The following MED12L variants were observed in gnomAD, a reference collection of about 807,000 sequenced individuals.
MED12L encodes mediator complex subunit 12L.
A neutral mutation model predicts 281.3 loss-of-function variants in MED12L; 60 were observed. The ratio of observed to expected loss-of-function variants is 0.21; its 90% CI spans 0.17 to 0.26. MED12L has a LOEUF of 0.26. MED12L is among the 10% of genes least tolerant of loss of function. The pLI is 1.00. For synonymous variants in MED12L, 974 were observed against 987.2 expected, an observed-to-expected ratio of 0.99 and a Z score of 0.25; for missense variants, 2,146 against 2,680.9, an observed-to-expected ratio of 0.80 and a Z score of 4.41.
chr3:151,113,950 T>C (rs1052786672), intron 2 of MED12L, among the ~76,000 whole-genome samples: 1 of 152,202 alleles, frequency 6.6e-6, no homozygotes, highest in African/African-American at 2.4e-5. Context: ...AATGTATTTT[T>C]AGTAAAAACA....
At chr3:151,117,534 C>A (rs1163826503) in intron 3 of MED12L, among the ~76,000 whole-genome samples, 2 of 152,082 alleles carry the variant, frequency 1.3e-5, no homozygotes, top group African/African-American at 2.4e-5. Flanking sequence ...GTTTTTAGGT[C>A]TCCCTTCTCC....
intron 16 of MED12L, among the ~76,000 whole-genome samples, chr3:151,208,179 A>G (rs1726624830): frequency 6.6e-6 from 1 of 152,228 alleles, no homozygotes; most frequent in East Asian, 1.9e-4. Context: ...ACACTTGGCC[A>G]TGCCAATTTT....
chr3:151,429,144 C>T (rs762220455), intron 43 of MED12L, among the ~76,000 whole-genome samples: 1 of 152,214 alleles, frequency 6.6e-6, no homozygotes, highest in Non-Finnish European at 1.5e-5. Flanking sequence ...GGCTACCTGA[C>T]AGGAGCTGCA....
At chr3:151,393,096 G>C (rs1441519934) in intron 38 of MED12L, among the ~76,000 whole-genome samples, 3 of 152,146 alleles carry the variant, frequency 2.0e-5, no homozygotes, top group African/African-American at 7.2e-5. Flanking sequence ...AATAGAAGAA[G>C]ATGGCTGAGG....
At chr3:151,136,582 A>T (rs138711353) in intron 5 of MED12L, among the ~76,000 whole-genome samples, 1 of 152,170 alleles carries the variant, frequency 6.6e-6, no homozygotes, top group Non-Finnish European at 1.5e-5. Context: ...GAATGGGGCT[A>T]TTGGGGGTGA....
chr3:151,132,803 T>C (rs1362843228), intron 5 of MED12L, among the ~76,000 whole-genome samples: 1 of 152,242 alleles, frequency 6.6e-6, no homozygotes, highest in Non-Finnish European at 1.5e-5. Context: ...CCTCTGACAT[T>C]CGCCTTTGTC....
intron 2 of MED12L, among the ~76,000 whole-genome samples, chr3:151,105,212 T>G (rs6787551): frequency 0.02 from 3,073 of 152,230 alleles, 97 homozygotes; most frequent in African/African-American, 0.069. Flanking sequence ...ATCTGCCATC[T>G]CCCTTTCTTC....
intron 16 of MED12L, among the ~76,000 whole-genome samples, chr3:151,333,215 A>G (rs1390990504): frequency 1.3e-5 from 2 of 152,192 alleles, no homozygotes; most frequent in Non-Finnish European, 2.9e-5. Flanking sequence ...ACACACATGC[A>G]TGTGTCTCTA....
At chr3:151,396,427 A>G (rs933293440) in intron 39 of MED12L, among the ~76,000 whole-genome samples, 6 of 152,316 alleles carry the variant, frequency 3.9e-5, no homozygotes, top group African/African-American at 1.2e-4. Flanking sequence ...CAGGAGTTCA[A>G]GATCAACCTG....
In MED12L at chr3:151,368,368, G is replaced by T; in HGVS notation, c.3550+117G>T. On this transcript the variant is annotated intron_variant, in intron 25 of 44. Transcript: ENST00000687756. ...TTCTTAATTTTTTGGGCATGCCCTG[G>T]GGGTGATGAAGGGTGAGATGATACT... is the stretch of plus-strand genomic sequence containing the variant. 5 of 805,470 alleles carry T rather than the reference G, an allele frequency of 6.2e-6. No individual in the cohort carries two copies. The South Asian group carries it at 7.3e-5, about 12-fold the overall frequency. The allele number at this position is 805,470 out of a possible 1,614,324, so 49.9% of individuals were successfully genotyped here. A position where few individuals can be genotyped will look rare whatever the true frequency, so the allele number is the denominator to read the frequency against.
intron 16 of MED12L, chr3:151,338,341 C>T: frequency 6.2e-7 from 1 of 1,614,146 alleles, no homozygotes; most frequent in Non-Finnish European, 8.5e-7. Flanking sequence ...ACATTCTTGT[C>T]TCTCGGCTGC....
chr3:151,223,870 TGGGGA>T (rs1229733570), intron 16 of MED12L, among the ~76,000 whole-genome samples: 1 of 152,162 alleles, frequency 6.6e-6, no homozygotes, highest in Non-Finnish European at 1.5e-5. Flanking sequence ...TGCCTACTCC[TGGGGA>T]GGGAAGTAGG....
chr3:151,404,377 C>T (rs1716048587), intron 39 of MED12L, among the ~76,000 whole-genome samples: 1 of 152,132 alleles, frequency 6.6e-6, no homozygotes, highest in South Asian at 2.1e-4. Flanking sequence ...AGTTACTGTT[C>T]ATTGATTCCC....
At chr3:151,400,320 C>G (rs1464929942) in intron 39 of MED12L, among the ~76,000 whole-genome samples, 1 of 151,900 alleles carries the variant, frequency 6.6e-6, no homozygotes, top group African/African-American at 2.4e-5. Flanking sequence ...TTTCAAGAGT[C>G]CAAAGAAGGA....
chr3:151,366,708 TCTG>T (rs1755327160), intron 23 of MED12L, among the ~76,000 whole-genome samples: 1 of 152,194 alleles, frequency 6.6e-6, no homozygotes, highest in African/African-American at 2.4e-5. Flanking sequence ...ACTTCTGAAT[TCTG>T]CTAATCAGGA....
intron 11 of MED12L, among the ~76,000 whole-genome samples, chr3:151,181,576 CTTTT>C (rs57658133): frequency 4.2e-5 from 2 of 47,074 alleles, no homozygotes; most frequent in African/African-American, 7.1e-5. Flanking sequence ...AGCTCATTGT[CTTTT>C]TTTTTTTTTT....
At position 151,122,986 on chromosome 3, in the gene MED12L, T is replaced by G. The variant is rs779085633; in HGVS notation, c.396+12T>G. The G allele has an allele frequency of 1.3e-6, 2 of 1,585,286 alleles. No individual in the cohort carries two copies. Among genetic ancestry groups the G allele is most frequent in the African/African-American group, 2.7e-5 (2 of 74,076 alleles). On this transcript the variant is annotated intron_variant, in intron 4 of 44. Coordinates refer to ENST00000687756, the MANE Select transcript of MED12L (RefSeq NM_001393769.1). ...TTTTGGCAAAAAAGGTATCAAATAT[T>G]TCTTACATTGTTTTAGTTATGGTCT...
At chr3:151,337,398 T>G (rs1392075049) in intron 16 of MED12L, 1 of 188,612 alleles carries the variant, frequency 5.3e-6, no homozygotes, top group Non-Finnish European at 1.1e-5. Flanking sequence ...ATATATACAT[T>G]TTAACTATCA....
At chr3:151,209,013 A>T (rs1036004899) in intron 16 of MED12L, among the ~76,000 whole-genome samples, 2 of 152,220 alleles carry the variant, frequency 1.3e-5, no homozygotes, top group African/African-American at 4.8e-5. Context: ...TACAATATTT[A>T]GGAAGTGGAG....
Sources: allele counts gnomAD v4.1 joint callset (sites outside exome capture counted in the v4.1 genomes callset), GRCh38; gene constraint gnomAD v4.1.1; transcripts MANE v1.5; gene names NCBI Gene and HGNC (gene_info 2026-07-23, HGNC 2026-07-21).